Variants in MSH3 observed in about 807,000 individuals in gnomAD.
MSH3 encodes the protein DNA mismatch repair protein Msh3.
MSH3 carries 106 observed loss-of-function variants against 123.3 expected under a neutral mutation model. That is an observed-to-expected ratio of 0.86 (90% confidence interval 0.73 to 1.01). MSH3 has a LOEUF of 1.01. MSH3 is among the 50% of genes least tolerant of loss of function. MSH3 has a pLI of 0.00. For synonymous variants in MSH3, 515 were observed against 481.4 expected (o/e 1.07, Z -0.91); for missense variants, 1,459 against 1,347.6 (o/e 1.08, Z -1.29).
intron 18 of MSH3, among the ~76,000 whole-genome samples, chr5:80,790,296 G>T (rs577947144): frequency 1.3e-5 from 2 of 152,232 alleles, no homozygotes; most frequent in East Asian, 1.9e-4. Context: ...ATACTCTACT[G>T]TAAGGGCCTA....
intron 17 of MSH3, among the ~76,000 whole-genome samples, chr5:80,786,177 A>G (rs901934064): frequency 4.6e-5 from 7 of 152,102 alleles, no homozygotes; most frequent in African/African-American, 1.7e-4. Flanking sequence ...ATAAATTAAA[A>G]AAAAGTAGGC....
At chr5:80,720,327 G>T (rs1186705472) in intron 8 of MSH3, among the ~76,000 whole-genome samples, 1 of 151,832 alleles carries the variant, frequency 6.6e-6, no homozygotes, top group African/African-American at 2.4e-5. Context: ...TCTTTGCTTT[G>T]CCCTCTTTGC....
At chr5:80,840,882 AT>A (rs1016650005) in intron 20 of MSH3, among the ~76,000 whole-genome samples, 15 of 142,008 alleles carry the variant, frequency 1.1e-4, no homozygotes, top group African/African-American at 4.0e-4. Context: ...TGTGTGCCAC[AT>A]TTTTTTTTAA....
At chr5:80,729,392 G>A (rs1288816948) in intron 10 of MSH3, among the ~76,000 whole-genome samples, 1 of 143,194 alleles carries the variant, frequency 7.0e-6, no homozygotes, top group African/African-American at 2.6e-5. Flanking sequence ...CTCCAGCCTG[G>A]GCGACAGCGA....
At chr5:80,773,932 T>C (rs1280186612) in intron 15 of MSH3, among the ~76,000 whole-genome samples, 1 of 152,142 alleles carries the variant, frequency 6.6e-6, no homozygotes, top group Admixed American at 6.6e-5. Flanking sequence ...CACGCCTGGC[T>C]AATTTTTGTA....
intron 8 of MSH3, among the ~76,000 whole-genome samples, chr5:80,703,826 TGACTG>T (rs1469008815): frequency 1.3e-5 from 2 of 152,086 alleles, no homozygotes; most frequent in African/African-American, 4.8e-5. Flanking sequence ...ATTGGTTTGT[TGACTG>T]GACGTAAACA....
intron 20 of MSH3, among the ~76,000 whole-genome samples, chr5:80,849,066 A>G (rs1745780112): frequency 6.6e-6 from 1 of 152,192 alleles, no homozygotes; most frequent in Non-Finnish European, 1.5e-5. Flanking sequence ...ATTGGCCAAA[A>G]CAAAGGGGCT....
At chr5:80,803,138 C>G (rs857287) in intron 19 of MSH3, among the ~76,000 whole-genome samples, 109,715 of 152,014 alleles carry the variant, frequency 0.72, 39,992 homozygotes, top group East Asian at 0.96. Context: ...TCTATTTTTA[C>G]TTTTCTGAGG....
Position 80,815,411 on chromosome 5 carries a change from A to G in MSH3, c.2813+1670A>G, listed in dbSNP as rs6151885. On this transcript the variant is annotated intron_variant, in intron 20 of 23. Transcript: ENST00000265081. ...GAAAAAAGAAAAAAATTATTGGTCA[A>G]TATAAGGGGATTTGCCTGGAAGGAA... Among the ~76,000 whole-genome samples the G allele has an allele frequency of 6.4e-3, 981 of 152,272 alleles. 7 individuals carry two copies. Among genetic ancestry groups the G allele is most frequent in the South Asian group, 0.049 (238 of 4,826 alleles).
intron 8 of MSH3, among the ~76,000 whole-genome samples, chr5:80,694,456 TACC>T (rs1750424311): frequency 6.6e-6 from 1 of 152,158 alleles, no homozygotes; most frequent in African/African-American, 2.4e-5. Context: ...ATAATATAAT[TACC>T]TTAAATATTA....
At chr5:80,657,288 A>G (rs978045013) in intron 2 of MSH3, among the ~76,000 whole-genome samples, 1 of 152,128 alleles carries the variant, frequency 6.6e-6, no homozygotes, top group African/African-American at 2.4e-5. Flanking sequence ...TAAAAATACA[A>G]AAATTAGTTG....
At chr5:80,688,427 G>A (rs560058059) in intron 8 of MSH3, among the ~76,000 whole-genome samples, 9 of 152,188 alleles carry the variant, frequency 5.9e-5, no homozygotes, top group South Asian at 4.1e-4. Flanking sequence ...TTCTTTATGC[G>A]GAGGCATAGT....
rs1749544443 is a variant in MSH3 at position 80,665,283 on chromosome 5, A to G, written c.499A>G (p.Thr167Ala). 3.1e-6 allele frequency: 5 copies of G among 1,613,944 alleles called. No individual in the cohort carries two copies. Among genetic ancestry groups the G allele is most frequent in the Non-Finnish European group, 4.2e-6 (5 of 1,179,980 alleles). ...GAGATTTGCAGTTCTGCCAAAATGTACTGATTTTGATGATATCAGTCTTCT... is the reference window on the plus strand; with the variant it reads ...GAGATTTGCAGTTCTGCCAAAATGTGCTGATTTTGATGATATCAGTCTTCT... Reference protein sequence around the residue: ...QERFAVLPKCTDFDDISLLHA... With the variant: ...QERFAVLPKCADFDDISLLHA... Residue 167 changes from threonine (T) to alanine (A), a missense_variant, in exon 3 of 24, where the codon ACT (threonine) becomes GCT (alanine). Thr to Ala is a moderately conservative substitution (Grantham distance 58). Transcript: ENST00000265081.
intron 8 of MSH3, among the ~76,000 whole-genome samples, chr5:80,686,121 C>T (rs1331438562): frequency 6.6e-6 from 1 of 152,066 alleles, no homozygotes; most frequent in African/African-American, 2.4e-5. Flanking sequence ...TGATCAGATC[C>T]TCTACATGCT....
At chr5:80,675,631 C>T (rs1436830691) in intron 7 of MSH3, among the ~76,000 whole-genome samples, 1 of 152,168 alleles carries the variant, frequency 6.6e-6, no homozygotes, top group Non-Finnish European at 1.5e-5. Flanking sequence ...ACCAGGTCTC[C>T]CCCTCAGCAT....
chr5:80,662,071 C>G (rs1749446092), intron 2 of MSH3, among the ~76,000 whole-genome samples: 1 of 152,164 alleles, frequency 6.6e-6, no homozygotes, highest in Non-Finnish European at 1.5e-5. Flanking sequence ...GAGGGACCAC[C>G]TATACAACAT....
chr5:80,735,950 C>T (rs1005308364), intron 10 of MSH3, among the ~76,000 whole-genome samples: 2 of 152,036 alleles, frequency 1.3e-5, no homozygotes, highest in African/African-American at 2.4e-5. Flanking sequence ...TCTGGCTGGG[C>T]GCAGTGGCTC....
chr5:80,799,389 T>C (rs918816968), intron 19 of MSH3, among the ~76,000 whole-genome samples: 11 of 151,620 alleles, frequency 7.3e-5, no homozygotes, highest in Non-Finnish European at 1.2e-4. Flanking sequence ...AATAAAACAC[T>C]TTGAAACTAC....
intron 18 of MSH3, among the ~76,000 whole-genome samples, chr5:80,788,260 C>T (rs947344204): frequency 2.0e-5 from 3 of 151,538 alleles, no homozygotes; most frequent in African/African-American, 7.3e-5. Context: ...ACAGTGAAAT[C>T]CCATCTCTAC....
Sources: allele counts gnomAD v4.1 joint callset (sites outside exome capture counted in the v4.1 genomes callset), GRCh38; gene constraint gnomAD v4.1.1; transcripts MANE v1.5; gene names NCBI Gene and HGNC (gene_info 2026-07-23, HGNC 2026-07-21).